Variants in SMOX observed in about 807,000 individuals in gnomAD.
SMOX encodes spermine oxidase.
SMOX carries 22 observed loss-of-function variants against 51.0 expected under a neutral mutation model. The observed-to-expected ratio is 0.43, with a 90% confidence interval of 0.31 to 0.62. SMOX has a LOEUF of 0.62. SMOX is among the 20% of genes least tolerant of loss of function. The pLI is 0.10. For missense variants in SMOX, 566 were observed against 777.7 expected (o/e 0.73, Z 3.24); for synonymous variants, 282 against 307.8 (o/e 0.92, Z 0.88).
chr20:4,160,901 C>T (rs1022657064), intron 1 of SMOX, among the ~76,000 whole-genome samples: 1 of 152,132 alleles, frequency 6.6e-6, no homozygotes, highest in Non-Finnish European at 1.5e-5. Flanking sequence ...GACCCTGTGG[C>T]TCAGGAGGCA....
At position 4,181,778 on chromosome 20, in the gene SMOX, C is replaced by T. The variant is rs1979341778; in HGVS notation, c.436-25C>T. The stretch of plus-strand genomic sequence containing the variant: ...AGATGGAGGTGTGATGAGGTGTTTT[C>T]AGTCTCATGGGGTCTCTCTGGCAGG... On this transcript the variant is annotated intron_variant, in intron 3 of 6. Transcript: ENST00000305958. The surrounding 1 kb of genome is among the most constrained non-coding windows in gnomAD (Gnocchi z 5.6). The T allele has an allele frequency of 6.2e-7, 1 of 1,608,170 alleles. No homozygotes were observed. The highest frequency in any genetic ancestry group is 8.5e-7 in the Non-Finnish European group (1 of 1,176,704).
intron 3 of SMOX, among the ~76,000 whole-genome samples, chr20:4,178,617 C>T (rs1162955287): frequency 1.3e-5 from 2 of 151,996 alleles, no homozygotes; most frequent in African/African-American, 4.8e-5. Context: ...AATGAATGAT[C>T]CTTCACTCCA....
At position 4,183,298 on chromosome 20, in the gene SMOX, C is replaced by A. The variant is rs1979488634; in HGVS notation, c.1370-196C>A. 1 of 693,396 alleles carries A rather than the reference C, an allele frequency of 1.4e-6. No homozygotes were observed. Among genetic ancestry groups the A allele is most frequent in the Non-Finnish European group, 2.4e-6 (1 of 415,398 alleles). The allele number at this position is 693,396 out of a possible 1,614,324, so 43.0% of individuals were successfully genotyped here. A position where few individuals can be genotyped will look rare whatever the true frequency, so the allele number is the denominator to read the frequency against. On this transcript the variant is annotated intron_variant, in intron 5 of 6. Transcript: ENST00000305958. This position sits in a 1 kb window ranked among gnomAD's most constrained non-coding sequence, Gnocchi z 4.3. ...TAAGGTGGAGCGTTTTGCCGGGGGT[C>A]ACAGGAGGCGCTGAGTGGGTACACA...
Position 4,182,029 on chromosome 20 carries a change from C to T in SMOX, c.609+53C>T. The T allele has an allele frequency of 6.3e-7, 1 of 1,597,944 alleles. No homozygotes were observed. Among genetic ancestry groups the T allele is most frequent in the Non-Finnish European group, 8.5e-7 (1 of 1,170,728 alleles). ...GCGTCTGGGTCTGAGGAGGGCTACG[C>T]TGCTCCTACCCCTGCCCAACCCCGG... On this transcript the variant is annotated intron_variant, in intron 4 of 6. Coordinates refer to ENST00000305958, the MANE Select transcript of SMOX (RefSeq NM_175839.3). This position sits in a 1 kb window ranked among gnomAD's most constrained non-coding sequence, Gnocchi z 8.4.
At chr20:4,152,817 G>T (rs182492974) in intron 1 of SMOX, among the ~76,000 whole-genome samples, 2 of 152,340 alleles carry the variant, frequency 1.3e-5, no homozygotes, top group South Asian at 2.1e-4. Flanking sequence ...CTGAGGCACA[G>T]TCATACAGCT....
chr20:4,166,158 G>A lies in SMOX; in HGVS notation c.-26-8872G>A, dbSNP rs1986560624. Reference sequence around the variant, plus strand: ...ATTGTCAGAGTGTGATCTATTGTCAGAGTGTGATCGAGTTGCTAATTTTTG... The same window carrying A: ...ATTGTCAGAGTGTGATCTATTGTCAAAGTGTGATCGAGTTGCTAATTTTTG... On this transcript the variant is annotated intron_variant, in intron 1 of 6. Coordinates refer to ENST00000305958, the MANE Select transcript of SMOX (RefSeq NM_175839.3). This position sits in a 1 kb window ranked among gnomAD's most constrained non-coding sequence, Gnocchi z 4.2. Among the ~76,000 whole-genome samples the A allele has an allele frequency of 6.6e-6, 1 of 152,094 alleles. No homozygotes were observed. Among genetic ancestry groups the A allele is most frequent in the African/African-American group, 2.4e-5 (1 of 41,422 alleles).
rs747253706 is a variant in SMOX at position 4,181,923 on chromosome 20, G to C, written c.556G>C (p.Asp186His). Residue 186 changes from aspartate to histidine, a missense_variant, in exon 4 of 7, where the codon GAC (aspartate) becomes CAC (histidine). This residue lies in a region of SMOX where 217 missense variants were observed against 278.4 expected (regional missense o/e 0.78). Coordinates refer to ENST00000305958, the MANE Select transcript of SMOX (RefSeq NM_175839.3). This position sits in a 1 kb window ranked among gnomAD's most constrained non-coding sequence, Gnocchi z 5.6. ...VRNRIRNDPD[D>H]PEATKRLKLA... is the part of the protein sequence containing the mutation. ...TAACCGCATCAGGAATGACCCTGAC[G>C]ACCCAGAGGCTACCAAGCGCCTGAA... 5 of 1,614,122 alleles carry C rather than the reference G, an allele frequency of 3.1e-6. No individual in the cohort carries two copies. In the South Asian group the frequency reaches 5.5e-5, roughly 18 times the overall value.
In SMOX at chr20:4,153,006, C is replaced by T. The variant is rs185702530; in HGVS notation, c.-27+4029C>T. On this transcript the variant is annotated intron_variant, in intron 1 of 6. Coordinates refer to ENST00000305958, the MANE Select transcript of SMOX (RefSeq NM_175839.3). This position sits in a 1 kb window ranked among gnomAD's most constrained non-coding sequence, Gnocchi z 4.4. ...TCATGCCTCTCAGTTATGTGTCAGCCGAGGGCTTCCTAAGAAGAGGCTTTT... is the reference window on the plus strand; with the variant it reads ...TCATGCCTCTCAGTTATGTGTCAGCTGAGGGCTTCCTAAGAAGAGGCTTTT... 2.6e-5 allele frequency among the ~76,000 whole-genome samples: 4 copies of T among 152,142 alleles called. No individual in the cohort carries two copies. The highest frequency in any genetic ancestry group is 1.3e-4 in the Admixed American group (2 of 15,272).
chr20:4,152,125 G>A (rs1194219502), intron 1 of SMOX, among the ~76,000 whole-genome samples: 3 of 152,212 alleles, frequency 2.0e-5, no homozygotes, highest in South Asian at 4.1e-4. Flanking sequence ...GCTGTATGCC[G>A]AGGGCAGCCG....
In SMOX at chr20:4,153,653, C is replaced by T. The variant is rs1394876306; in HGVS notation, c.-27+4676C>T. 1.3e-5 allele frequency among the ~76,000 whole-genome samples: 2 copies of T among 152,134 alleles called. No homozygotes were observed. The highest frequency in any genetic ancestry group is 2.9e-5 in the Non-Finnish European group (2 of 68,004). ...ATCTATCTGGACAGATCCTGCCAGC[C>T]TCCTAGGAAGAGAGGGAGGCAGGGT... On this transcript the variant is annotated intron_variant, in intron 1 of 6. Coordinates refer to ENST00000305958, the MANE Select transcript of SMOX (RefSeq NM_175839.3). The surrounding 1 kb of genome is among the most constrained non-coding windows in gnomAD (Gnocchi z 4.4).
chr20:4,180,929 T>A (rs1004586726), intron 3 of SMOX, among the ~76,000 whole-genome samples: 1 of 152,138 alleles, frequency 6.6e-6, no homozygotes, highest in African/African-American at 2.4e-5. Context: ...CATTACAAGC[T>A]GTGTCCTGCA....
chr20:4,170,809 G>T lies in SMOX; in HGVS notation c.-26-4221G>T, dbSNP rs1358428248. On this transcript the variant is annotated intron_variant, in intron 1 of 6. Coordinates refer to ENST00000305958, the MANE Select transcript of SMOX (RefSeq NM_175839.3). This position sits in a 1 kb window ranked among gnomAD's most constrained non-coding sequence, Gnocchi z 4.6. ...GGGACACTTCAGTCAGGGTGGTGGT[G>T]GCTCTGGACAGCTGGGGGAGGCGGT... Among the ~76,000 whole-genome samples, 1 of 152,184 alleles carries T rather than the reference G, an allele frequency of 6.6e-6. No homozygotes were observed. Among genetic ancestry groups the T allele is most frequent in the Non-Finnish European group, 1.5e-5 (1 of 68,040 alleles).
At chr20:4,184,876 T>C (rs1217046420) in intron 6 of SMOX, among the ~76,000 whole-genome samples, 2 of 152,244 alleles carry the variant, frequency 1.3e-5, no homozygotes, top group East Asian at 3.8e-4. Context: ...AAAGGAAATC[T>C]GGAGGCAGGC....
In SMOX at chr20:4,149,226, G is replaced by C. The variant is rs1985599515; in HGVS notation, c.-27+249G>C. 6.6e-6 allele frequency among the ~76,000 whole-genome samples: 1 copy of C among 150,396 alleles called. No individual in the cohort carries two copies. The highest frequency in any genetic ancestry group is 2.4e-5 in the African/African-American group (1 of 41,178). On this transcript the variant is annotated intron_variant, in intron 1 of 6. Transcript: ENST00000305958. This position sits in a 1 kb window ranked among gnomAD's most constrained non-coding sequence, Gnocchi z 6.0. ...TCCGCCGGGGTAAGCAGTGGTGTGG[G>C]CCGGGGTGGCGGCGATCCCGGCGCC...
At chr20:4,185,128 A>G (rs913426594) in intron 6 of SMOX, among the ~76,000 whole-genome samples, 2 of 152,238 alleles carry the variant, frequency 1.3e-5, no homozygotes, top group Non-Finnish European at 2.9e-5. Context: ...GAGGCTGGGC[A>G]GTATCATTTT....
At chr20:4,160,138 T>C (rs2122415752) in intron 1 of SMOX, among the ~76,000 whole-genome samples, 1 of 152,284 alleles carries the variant, frequency 6.6e-6, no homozygotes, top group Non-Finnish European at 1.5e-5. Flanking sequence ...CTGGCAAGCC[T>C]AATCCAGCTG....
In SMOX at chr20:4,183,456, T is replaced by C; in HGVS notation, c.1370-38T>C. On this transcript the variant is annotated intron_variant, in intron 5 of 6. Coordinates refer to ENST00000305958, the MANE Select transcript of SMOX (RefSeq NM_175839.3). This position sits in a 1 kb window ranked among gnomAD's most constrained non-coding sequence, Gnocchi z 4.3. ...TCATCTTCCATATGCAGCCATTTCTTATCCTCCCTCCTCTTGGCTTTTCTG... is the reference window on the plus strand; with the variant it reads ...TCATCTTCCATATGCAGCCATTTCTCATCCTCCCTCCTCTTGGCTTTTCTG... 4 of 1,614,046 alleles carry C rather than the reference T, an allele frequency of 2.5e-6. No individual in the cohort carries two copies. The highest frequency in any genetic ancestry group is 3.4e-6 in the Non-Finnish European group (4 of 1,179,974).
Position 4,187,241 on chromosome 20 carries a change from AC to A in SMOX, c.1531-26del. The A allele has an allele frequency of 6.2e-7, 1 of 1,601,220 alleles. No individual in the cohort carries two copies. Among genetic ancestry groups the A allele is most frequent in the Non-Finnish European group, 8.5e-7 (1 of 1,172,278 alleles). ...GCCTTCTGGCCTTTGCTGCTCCTCC[AC>A]CCTGACCTCCCCATCCCCGCCCCGC... On this transcript the variant is annotated intron_variant, in intron 6 of 6. Coordinates refer to ENST00000305958, the MANE Select transcript of SMOX (RefSeq NM_175839.3). The surrounding 1 kb of genome is among the most constrained non-coding windows in gnomAD (Gnocchi z 4.8).
At position 4,166,651 on chromosome 20, in the gene SMOX, A is replaced by G. The variant is rs971796105; in HGVS notation, c.-26-8379A>G. On this transcript the variant is annotated intron_variant, in intron 1 of 6. Transcript: ENST00000305958. The surrounding 1 kb of genome is among the most constrained non-coding windows in gnomAD (Gnocchi z 4.2). ...CTCCCAGGCAAAAGGGTCCTGAAAC[A>G]ATGAACCTCGGTGGTATGCAGGACA... 6.6e-6 allele frequency among the ~76,000 whole-genome samples: 1 copy of G among 152,206 alleles called. No individual in the cohort carries two copies. Among genetic ancestry groups the G allele is most frequent in the African/African-American group, 2.4e-5 (1 of 41,460 alleles).
Sources: gnomAD v4.1 joint callset for allele counts (sites outside exome capture counted in the v4.1 genomes callset) on GRCh38, gnomAD v4.1.1 for gene constraint, gnomAD v4.1.1 regional missense constraint, Gnocchi (gnomAD v3.1) non-coding constraint, MANE v1.5 for transcripts, NCBI Gene and HGNC (gene_info 2026-07-23, HGNC 2026-07-21) for gene names.